IQCE: variants seen among roughly 807,000 people sequenced by gnomAD.
The protein encoded by IQCE is IQ motif containing E.
In IQCE, 115 loss-of-function variants were observed where a neutral mutation model predicts 96.0. The ratio of observed to expected loss-of-function variants is 1.20; its 90% CI spans 1.03 to 1.40. The LOEUF is 1.40. Among genes scored for constraint, IQCE ranks in the 40% most tolerant of loss-of-function variants. The probability of loss-of-function intolerance (pLI) is 0.00; values close to 1 mark genes in which losing one functional copy is unlikely to be tolerated. For missense variants in IQCE, 1,041 were observed against 909.1 expected, an observed-to-expected ratio of 1.15 and a Z score of -1.87; for synonymous variants, 412 against 371.2, an observed-to-expected ratio of 1.11 and a Z score of -1.26.
intron 19 of IQCE, among the ~76,000 whole-genome samples, chr7:2,605,547 A>G (rs1043603656): frequency 6.6e-5 from 10 of 152,182 alleles, no homozygotes; most frequent in African/African-American, 1.9e-4. Context: ...GTGAACCCGG[A>G]AGGCGGAGCT....
chr7:2,600,307 C>A (rs1359463612), intron 17 of IQCE, among the ~76,000 whole-genome samples: 6 of 152,242 alleles, frequency 3.9e-5, no homozygotes, highest in Non-Finnish European at 7.3e-5. Context: ...TGTACCCCAT[C>A]CCCTCGGGAC....
intron 6 of IQCE, among the ~76,000 whole-genome samples, chr7:2,574,119 C>T (rs535663270): frequency 2.2e-4 from 34 of 152,356 alleles, no homozygotes; most frequent in African/African-American, 7.2e-4. Context: ...CCACCAGCAC[C>T]GTGACCATCA....
chr7:2,559,475 C>T (rs571383276), intron 1 of IQCE: 89 of 251,752 alleles, frequency 3.5e-4, no homozygotes, highest in East Asian at 7.1e-5. Context: ...GCCCTCGCCT[C>T]TGGGCGCCTG....
At chr7:2,597,416 G>A (rs1322740685) in intron 16 of IQCE, among the ~76,000 whole-genome samples, 1 of 152,370 alleles carries the variant, frequency 6.6e-6, no homozygotes, top group East Asian at 1.9e-4. Flanking sequence ...CCCAAGCATC[G>A]TTAACACACA....
intron 13 of IQCE, among the ~76,000 whole-genome samples, chr7:2,589,361 A>G (rs748202764): frequency 3.9e-5 from 6 of 151,958 alleles, no homozygotes; most frequent in Non-Finnish European, 7.4e-5. Flanking sequence ...CCCCGTCTCA[A>G]AAAAAAAGAA....
At position 2,587,806 on chromosome 7, in the gene IQCE, G is replaced by A. The variant is rs74527069; in HGVS notation, c.989-16G>A. Reference sequence around the variant, plus strand: ...CCCACCAGGATGCCGTTTTGAAACCGCATTGCTTCCATCAGGTTATGTGGA... The same window carrying A: ...CCCACCAGGATGCCGTTTTGAAACCACATTGCTTCCATCAGGTTATGTGGA... On this transcript the variant is annotated splice_polypyrimidine_tract_variant and intron_variant, in intron 12 of 21. Transcript: ENST00000402050. 3.1e-4 allele frequency: 499 copies of A among 1,613,610 alleles called. 6 individuals carry two copies. In the African/African-American group the frequency reaches 5.1e-3, roughly 16 times the overall value.
intron 17 of IQCE, among the ~76,000 whole-genome samples, chr7:2,600,841 C>T (rs932181803): frequency 2.6e-5 from 4 of 152,184 alleles, no homozygotes; most frequent in African/African-American, 9.7e-5. Flanking sequence ...GGGAGGACTT[C>T]GCTCACATCT....
At chr7:2,578,999 C>T (rs1211764709) in intron 8 of IQCE, among the ~76,000 whole-genome samples, 3 of 149,008 alleles carry the variant, frequency 2.0e-5, no homozygotes, top group East Asian at 2.0e-4. Context: ...GCAGAGGTTG[C>T]GGTGAGTTGA....
chr7:2,605,214 T>C (rs953529003), intron 19 of IQCE, among the ~76,000 whole-genome samples: 2 of 152,218 alleles, frequency 1.3e-5, no homozygotes, highest in African/African-American at 2.4e-5. Flanking sequence ...CAGATTGCGT[T>C]AAGCTGCCGG....
chr7:2,609,556 G>A (rs920250272), intron 21 of IQCE, among the ~76,000 whole-genome samples: 2 of 152,242 alleles, frequency 1.3e-5, no homozygotes, highest in South Asian at 2.1e-4. Flanking sequence ...GTTCCTCCAT[G>A]CTGGCAAATG....
Position 2,584,229 on chromosome 7 carries a change from T to C in IQCE, c.775-7T>C. The C allele has an allele frequency of 6.2e-7, 1 of 1,613,376 alleles. No individual in the cohort carries two copies. Among genetic ancestry groups the C allele is most frequent in the Non-Finnish European group, 8.5e-7 (1 of 1,179,242 alleles). On this transcript the variant is annotated splice_region_variant and splice_polypyrimidine_tract_variant and intron_variant, in intron 10 of 21. Coordinates refer to ENST00000402050, the MANE Select transcript of IQCE (RefSeq NM_152558.5). Reference sequence around the variant, plus strand: ...TGTTTTCATGCATTTCAATTTGGTATTTACAGGTGCATCGTCTCCAGACCC... The same window carrying C: ...TGTTTTCATGCATTTCAATTTGGTACTTACAGGTGCATCGTCTCCAGACCC...
chr7:2,603,436 C>T (rs186060111), intron 18 of IQCE, among the ~76,000 whole-genome samples: 7 of 152,088 alleles, frequency 4.6e-5, no homozygotes, highest in African/African-American at 1.2e-4. Context: ...CTTGTCCGAT[C>T]GGCCAGTCAG....
intron 16 of IQCE, among the ~76,000 whole-genome samples, chr7:2,595,778 G>GC: frequency 2.0e-5 from 3 of 148,732 alleles, no homozygotes; most frequent in South Asian, 2.2e-4. Context: ...CATGGCCGGT[G>GC]CTGCACTTGC....
At chr7:2,584,504 T>G in intron 11 of IQCE, 1 of 570,270 alleles carries the variant, frequency 1.8e-6, no homozygotes, top group Non-Finnish European at 3.2e-6. Flanking sequence ...GGCCAACGCG[T>G]GTTCAATGCC....
intron 11 of IQCE, 26 bp from the exon 12 acceptor site, chr7:2,586,182 C>T (rs752969846): frequency 5.0e-6 from 8 of 1,604,244 alleles, no homozygotes; most frequent in Non-Finnish European, 6.0e-6. Flanking sequence ...CAATGCAAAC[C>T]TCAGTCCACG....
intron 14 of IQCE, among the ~76,000 whole-genome samples, chr7:2,591,394 G>A (rs1045044668): frequency 6.6e-6 from 1 of 152,128 alleles, no homozygotes; most frequent in Non-Finnish European, 1.5e-5. Flanking sequence ...TCCTCCTCCT[G>A]TTGATAGCTC....
rs773616723 is a variant in IQCE at position 2,563,411 on chromosome 7, G to GTGTGTGTGTGTGTGTGTA, written c.37-3704_37-3703insGTGTGTGTGTGTGTGTAT. The stretch of plus-strand genomic sequence containing the variant: ...TGTGTGTGTGTGTGTGTGTGTGTGT[G>GTGTGTGTGTGTGTGTGTA]TACAGGGTTTCTCCATATTGCCCAG... On this transcript the variant is annotated intron_variant, in intron 1 of 21. Transcript: ENST00000402050. Among the ~76,000 whole-genome samples the GTGTGTGTGTGTGTGTGTA allele has an allele frequency of 7.9e-4, 117 of 148,706 alleles. 1 individual carries two copies. Among genetic ancestry groups the GTGTGTGTGTGTGTGTGTA allele is most frequent in the African/African-American group, 2.8e-3 (115 of 40,412 alleles).
At chr7:2,601,696 T>C (rs1490413823) in intron 18 of IQCE, 2 of 476,554 alleles carry the variant, frequency 4.2e-6, no homozygotes, top group South Asian at 2.2e-5. Context: ...ATTACAGGGA[T>C]GCACCACTGT....
At chr7:2,568,905 A>C in intron 2 of IQCE, 49 bp from the exon 3 acceptor site, 1 of 1,550,564 alleles carries the variant, frequency 6.4e-7, no homozygotes, top group Non-Finnish European at 8.8e-7. Context: ...CTTGTGATGC[A>C]CCACTGTGGG....
Sources: allele counts gnomAD v4.1 joint callset (sites outside exome capture counted in the v4.1 genomes callset), GRCh38; gene constraint gnomAD v4.1.1; transcripts MANE v1.5; gene names NCBI Gene and HGNC (gene_info 2026-07-23, HGNC 2026-07-21).